The following RP1 variants were observed in gnomAD, a reference collection of about 807,000 sequenced individuals.
RP1 encodes the protein RP1 axonemal microtubule associated, also known as oxygen-regulated protein 1.
In RP1, 16 loss-of-function variants were observed where a neutral mutation model predicts 14.8. The ratio of observed to expected loss-of-function variants is 1.08; its 90% CI spans 0.73 to 1.65. The LOEUF (loss-of-function observed/expected upper bound fraction) is 1.65. RP1 is among the 40% of genes most tolerant of loss of function. RP1 has a pLI of 0.00. For synonymous variants in RP1, 876 were observed against 883.6 expected, an observed-to-expected ratio of 0.99 and a Z score of 0.15; for missense variants, 2,631 against 2,535.0, an observed-to-expected ratio of 1.04 and a Z score of -0.81.
At chr8:54,789,907 G>T (rs1810419272) in intron 24 of RP1, among the ~76,000 whole-genome samples, 1 of 152,164 alleles carries the variant, frequency 6.6e-6, no homozygotes, top group African/African-American at 2.4e-5. Context: ...AGCCCAGGCT[G>T]CAGCTAACCC....
intron 12 of RP1, chr8:54,696,418 A>G: frequency 1.4e-6 from 1 of 718,608 alleles, no homozygotes; most frequent in Non-Finnish European, 2.4e-6. Flanking sequence ...AAGAGCAAAG[A>G]AAAAATCCCT....
At chr8:54,570,628 T>G (rs1477356296) in intron 1 of RP1, among the ~76,000 whole-genome samples, 2 of 132,798 alleles carry the variant, frequency 1.5e-5, no homozygotes, top group Non-Finnish European at 3.4e-5. Flanking sequence ...GCACCAGACC[T>G]AGGTAAACTT....
At chr8:54,567,523 G>C (rs1003929935) in intron 1 of RP1, among the ~76,000 whole-genome samples, 1 of 151,976 alleles carries the variant, frequency 6.6e-6, no homozygotes. Flanking sequence ...AGGTGGGATG[G>C]AGAAGAAAAA....
rs150561889 is a variant in RP1, at chr8:54,823,915, G to T, written c.3616-13535G>T. 4.8e-3 allele frequency among the ~76,000 whole-genome samples: 737 copies of T among 152,112 alleles called. 6 individuals carry two copies. The highest frequency in any genetic ancestry group is 0.017 in the African/African-American group (694 of 41,462). ...TTATCTCCATCAACAACATATGAGA[G>T]ATCTGGATTTTTTTTTCCATCCCTG... is the stretch of plus-strand genomic sequence containing the variant. On this transcript the variant is annotated intron_variant, in intron 24 of 28. Coordinates refer to the RP1 transcript ENST00000637698.
At chr8:54,562,637 G>A (rs2129290238) in intron 1 of RP1, among the ~76,000 whole-genome samples, 1 of 151,812 alleles carries the variant, frequency 6.6e-6, no homozygotes, top group African/African-American at 2.4e-5. Flanking sequence ...TGGTGCCATG[G>A]CACTCTAGCC....
intron 22 of RP1, among the ~76,000 whole-genome samples, chr8:54,769,500 G>T (rs1304860865): frequency 2.6e-5 from 4 of 151,996 alleles, no homozygotes; most frequent in Non-Finnish European, 5.9e-5. Context: ...GGTTAGCAGG[G>T]TTAGCAACGT....
intron 3 of RP1, among the ~76,000 whole-genome samples, chr8:54,638,702 T>G (rs188894797): frequency 2.0e-5 from 3 of 152,256 alleles, no homozygotes; most frequent in East Asian, 1.9e-4. Context: ...AGGGTTGGTT[T>G]GTTTGTTTTT....
chr8:54,871,106 T>C (rs920340023), exon 29 of RP1: 4 of 152,188 alleles, frequency 2.6e-5, no homozygotes, highest in African/African-American at 9.7e-5. Context: ...TCTAAATCAG[T>C]GTATTTAGAG....
intron 1 of RP1, among the ~76,000 whole-genome samples, chr8:54,578,545 A>G (rs530945617): frequency 2.0e-5 from 3 of 152,284 alleles, no homozygotes; most frequent in Admixed American, 6.5e-5. Flanking sequence ...AAATTAGTTG[A>G]AATTTTCCAA....
At chr8:54,730,179 C>T (rs1394465807) in intron 17 of RP1, among the ~76,000 whole-genome samples, 1 of 152,018 alleles carries the variant, frequency 6.6e-6, no homozygotes, top group Non-Finnish European at 1.5e-5. Context: ...AGCAGAAAAA[C>T]TACCCATAAA....
intron 4 of RP1, among the ~76,000 whole-genome samples, chr8:54,651,728 A>G (rs2129325982): frequency 6.6e-6 from 1 of 152,098 alleles, no homozygotes; most frequent in East Asian, 1.9e-4. Context: ...TTGTTTTTAT[A>G]TTCTCCCTTT....
intron 14 of RP1, chr8:54,706,426 T>A (rs1309690085): frequency 6.5e-7 from 1 of 1,535,214 alleles, no homozygotes; most frequent in Admixed American, 2.0e-5. Context: ...CTTTCTGTTC[T>A]GTTTGTTGCT....
At chr8:54,817,101 T>G (rs558269938) in intron 24 of RP1, among the ~76,000 whole-genome samples, 44 of 152,284 alleles carry the variant, frequency 2.9e-4, no homozygotes, top group Middle Eastern at 3.4e-3. Flanking sequence ...CATTGCTTTA[T>G]TTCTCATTTG....
At chr8:54,812,512 T>C (rs1417181075) in intron 24 of RP1, among the ~76,000 whole-genome samples, 1 of 152,222 alleles carries the variant, frequency 6.6e-6, no homozygotes. Flanking sequence ...TGGTAATATA[T>C]AGACTCAGTT....
intron 8 of RP1, among the ~76,000 whole-genome samples, chr8:54,674,526 G>C (rs867848949): frequency 3.0e-4 from 26 of 87,858 alleles, no homozygotes; most frequent in African/African-American, 8.4e-4. Flanking sequence ...AAAAAAAAAA[G>C]GAAAAAAAAA....
intron 24 of RP1, among the ~76,000 whole-genome samples, chr8:54,822,615 A>C (rs1451043329): frequency 6.6e-6 from 1 of 152,196 alleles, no homozygotes; most frequent in Non-Finnish European, 1.5e-5. Context: ...TCTGTTTATG[A>C]GGACAAAAAA....
intron 6 of RP1, among the ~76,000 whole-genome samples, chr8:54,657,839 A>G (rs1230423149): frequency 1.3e-5 from 2 of 152,356 alleles, no homozygotes; most frequent in East Asian, 3.9e-4. Context: ...CGAAGGATAA[A>G]GGTTCCTAAC....
chr8:54,732,948 G>C (rs1248652163), intron 17 of RP1, among the ~76,000 whole-genome samples: 2 of 152,108 alleles, frequency 1.3e-5, no homozygotes, highest in Non-Finnish European at 2.9e-5. Context: ...CTTCACTTCT[G>C]AGTCCCAGTC....
chr8:54,688,873 A>T (rs528300999), intron 12 of RP1, among the ~76,000 whole-genome samples: 1 of 152,218 alleles, frequency 6.6e-6, no homozygotes, highest in Non-Finnish European at 1.5e-5. Context: ...CTTGATGGGG[A>T]TGGCACTGAA....
Sources: gnomAD v4.1 joint callset for allele counts (sites outside exome capture counted in the v4.1 genomes callset) on GRCh38, gnomAD v4.1.1 for gene constraint, MANE v1.5 for transcripts, NCBI Gene and HGNC (gene_info 2026-07-23, HGNC 2026-07-21) for gene names.